The following UBN1 variants were observed in gnomAD, a reference collection of about 807,000 sequenced individuals.
UBN1 encodes ubinuclein-1.
Under a neutral mutation model 108.5 loss-of-function variants are expected in UBN1, and 17 were observed. The ratio of observed to expected loss-of-function variants is 0.16; its 90% CI spans 0.11 to 0.24. UBN1 has a LOEUF of 0.24. Ranked by LOEUF, UBN1 falls within the 10% of genes least tolerant of loss-of-function variation. The probability of loss-of-function intolerance (pLI) is 1.00; values close to 1 mark genes in which losing one functional copy is unlikely to be tolerated. For missense variants in UBN1, 1,595 were observed against 1,394.4 expected (o/e 1.14, Z -2.29); for synonymous variants, 726 against 564.2 (o/e 1.29, Z -4.07).
At chr16:4,856,258 G>T (rs2086804595) in intron 2 of UBN1, among the ~76,000 whole-genome samples, 1 of 152,142 alleles carries the variant, frequency 6.6e-6, no homozygotes, top group South Asian at 2.1e-4. Flanking sequence ...GCAGAAAAAT[G>T]CATGGAGGAT....
intron 4 of UBN1, 96 bp downstream of exon 4, chr16:4,858,759 G>A: frequency 2.5e-6 from 3 of 1,222,398 alleles, no homozygotes; most frequent in Non-Finnish European, 3.6e-6. Context: ...GAGCAGTCGT[G>A]CCCTCTTCCC....
At chr16:4,853,441 C>T (rs906054218) in intron 2 of UBN1, among the ~76,000 whole-genome samples, 3 of 152,118 alleles carry the variant, frequency 2.0e-5, no homozygotes, top group African/African-American at 7.2e-5. Flanking sequence ...GAAACCAGTC[C>T]CTGACAGTTC....
chr16:4,866,866 C>T (rs544698530), intron 7 of UBN1, among the ~76,000 whole-genome samples: 12 of 152,246 alleles, frequency 7.9e-5, no homozygotes, highest in Non-Finnish European at 1.5e-4. Context: ...CCGATAGATA[C>T]GCAGACAATG....
At chr16:4,879,954 G>C in intron 17 of UBN1, 129 bp from the exon 18 acceptor site, 1 of 959,916 alleles carries the variant, frequency 1.0e-6, no homozygotes. Context: ...GCTTGTTTGA[G>C]CTCTAGAACA....
Position 4,877,576 on chromosome 16 carries a change from A to C in UBN1, c.3355+102A>C. 1 of 1,449,268 alleles carries C rather than the reference A, an allele frequency of 6.9e-7. No homozygotes were observed. 89.8% of individuals were successfully genotyped at this position (1,449,268 alleles called of 1,614,324 possible). ...CAAGGGTCTTGGTGTCTTTGCCTTG[A>C]CGCTGTTGTTGTTTTGGTTTGTCCT... On this transcript the variant is annotated intron_variant, in intron 17 of 17. Transcript: ENST00000262376. The surrounding 1 kb of genome is among the most constrained non-coding windows in gnomAD (Gnocchi z 4.3).
intron 15 of UBN1, 152 bp downstream of exon 15, chr16:4,875,586 T>G: frequency 8.4e-7 from 1 of 1,197,234 alleles, no homozygotes; most frequent in Non-Finnish European, 1.2e-6. Context: ...CTGGGCTCCC[T>G]GTTCTCAGGT....
At chr16:4,865,471 A>G (rs1488769718) in intron 7 of UBN1, among the ~76,000 whole-genome samples, 1 of 152,136 alleles carries the variant, frequency 6.6e-6, no homozygotes, top group Non-Finnish European at 1.5e-5. Context: ...ACCTGAGCCC[A>G]GGAGTTCCAG....
chr16:4,848,938 C>G (rs1463076415), intron 1 of UBN1, among the ~76,000 whole-genome samples: 1 of 152,070 alleles, frequency 6.6e-6, no homozygotes, highest in African/African-American at 2.4e-5. Context: ...CAGTACTCTA[C>G]TAAAAATACA....
In UBN1 at chr16:4,877,700, C is replaced by T. The variant is rs1301446868; in HGVS notation, c.3355+226C>T. On this transcript the variant is annotated intron_variant, in intron 17 of 17. Coordinates refer to ENST00000262376, the MANE Select transcript of UBN1 (RefSeq NM_001079514.3). The surrounding 1 kb of genome is among the most constrained non-coding windows in gnomAD (Gnocchi z 4.3). ...GAGCTGCCGCCAGGTCAGCCTCAGC[C>T]TGTGTGATCACAGGGAAAGTTGCGG... 2 of 1,240,996 alleles carry T rather than the reference C, an allele frequency of 1.6e-6. No homozygotes were observed. The highest frequency in any genetic ancestry group is 6.5e-5 in the East Asian group (2 of 30,666). 76.9% of individuals were successfully genotyped at this position (1,240,996 alleles called of 1,614,324 possible). A position where few individuals can be genotyped will look rare whatever the true frequency, so the allele number is the denominator to read the frequency against.
rs1567931907 is a variant in UBN1, at chr16:4,869,052, A to G, written c.1181+149A>G. 2.5e-5 allele frequency: 19 copies of G among 770,716 alleles called. No homozygotes were observed. In the East Asian group the frequency reaches 5.4e-4, roughly 22 times the overall value. The allele number at this position is 770,716 out of a possible 1,614,324, so 47.7% of individuals were successfully genotyped here. ...AGAAGAATTGGATTAACATGGTTTC[A>G]TTGTTATTTTTCTTTTAAAAATCAA... On this transcript the variant is annotated intron_variant, in intron 8 of 17. Coordinates refer to ENST00000262376, the MANE Select transcript of UBN1 (RefSeq NM_001079514.3).
chr16:4,870,133 C>A, intron 8 of UBN1, 79 bp from the exon 9 acceptor site: 1 of 1,588,636 alleles, frequency 6.3e-7, no homozygotes, highest in Non-Finnish European at 8.6e-7. Flanking sequence ...TCCTAGCTTT[C>A]CTCTCCACGT....
chr16:4,866,392 G>A (rs1567924582), intron 7 of UBN1, among the ~76,000 whole-genome samples: 3 of 152,170 alleles, frequency 2.0e-5, no homozygotes, highest in Admixed American at 2.0e-4. Context: ...TTCCTGTGGC[G>A]TGCCGTTTTA....
At chr16:4,875,902 G>A (rs1005773806) in intron 15 of UBN1, among the ~76,000 whole-genome samples, 1 of 152,016 alleles carries the variant, frequency 6.6e-6, no homozygotes, top group Non-Finnish European at 1.5e-5. Context: ...AATGCATCTC[G>A]CTTGTGTGTA....
At chr16:4,872,976 T>C (rs1469944797) in intron 13 of UBN1, 42 bp downstream of exon 13, 1 of 1,614,198 alleles carries the variant, frequency 6.2e-7, no homozygotes, top group East Asian at 2.2e-5. Context: ...CAAGTGTTGT[T>C]TTTGGTCTCC....
chr16:4,880,017 C>T, intron 17 of UBN1, 66 bp from the exon 18 acceptor site: 1 of 1,576,456 alleles, frequency 6.3e-7, no homozygotes, highest in East Asian at 2.2e-5. Flanking sequence ...AGTTTGGTTA[C>T]TACTGCCTTA....
Position 4,877,358 on chromosome 16 carries a change from C to T in UBN1, c.3266-27C>T, listed in dbSNP as rs2087932014. The T allele has an allele frequency of 1.3e-6, 2 of 1,597,642 alleles. No individual in the cohort carries two copies. The highest frequency in any genetic ancestry group is 1.3e-5 in the African/African-American group (1 of 74,458). ...CTGTCTTCAATGTGTGTGTTTTGTT[C>T]TTTTCTCCCCTCCTGTTTTCTCTCA... On this transcript the variant is annotated intron_variant, in intron 16 of 17. Transcript: ENST00000262376. This position sits in a 1 kb window ranked among gnomAD's most constrained non-coding sequence, Gnocchi z 4.3.
chr16:4,872,178 C>G (rs1039858247), intron 12 of UBN1: 29 of 967,156 alleles, frequency 3.0e-5, no homozygotes, highest in Admixed American at 1.4e-4. Context: ...TTGCTGTCCT[C>G]TCTACGTAGG....
At chr16:4,853,940 C>T (rs527842684) in intron 2 of UBN1, among the ~76,000 whole-genome samples, 2 of 152,252 alleles carry the variant, frequency 1.3e-5, no homozygotes, top group Admixed American at 1.3e-4. Flanking sequence ...ATCAGGACCC[C>T]AGAAACCCTC....
chr16:4,870,253 C>T lies in UBN1; in HGVS notation c.1223C>T (p.Ser408Phe), dbSNP rs1743052365. 5 of 1,614,248 alleles carry T rather than the reference C, an allele frequency of 3.1e-6. No homozygotes were observed. Among genetic ancestry groups the T allele is most frequent in the Non-Finnish European group, 4.2e-6 (5 of 1,180,046 alleles). Residue 408 changes from serine to phenylalanine, a missense_variant, in exon 9 of 18, where the codon TCT becomes TTT. Around this residue, in one of 3 missense-constraint regions of UBN1, gnomAD observed 1,398 missense variants for 1,194.7 expected, o/e 1.17. Transcript: ENST00000262376. Reference sequence around the variant, plus strand: ...CGGGAGCTGAGCAGTCAGGTCCGCTCTGGGGTGTATGCCTATCTTGCGTCA... The same window carrying T: ...CGGGAGCTGAGCAGTCAGGTCCGCTTTGGGGTGTATGCCTATCTTGCGTCA... ...QTRELSSQVR[S>F]GVYAYLASFL...
Sources: gnomAD v4.1 joint callset for allele counts (sites outside exome capture counted in the v4.1 genomes callset) on GRCh38, gnomAD v4.1.1 for gene constraint, gnomAD v4.1.1 regional missense constraint, Gnocchi (gnomAD v3.1) non-coding constraint, MANE v1.5 for transcripts, NCBI Gene and HGNC (gene_info 2026-07-23, HGNC 2026-07-21) for gene names.